Variants in CDH10 observed in about 807,000 individuals in gnomAD.
The protein encoded by CDH10 is cadherin 10.
CDH10 carries 30 observed loss-of-function variants against 73.1 expected under a neutral mutation model. The observed-to-expected ratio is 0.41, with a 90% CI of 0.31 to 0.56. The LOEUF is 0.56. Ranked by LOEUF, CDH10 falls within the 20% of genes least tolerant of loss-of-function variation. The pLI is 0.27. For missense variants in CDH10, 815 were observed against 973.7 expected (o/e 0.84, Z 2.17); for synonymous variants, 345 against 348.2 (o/e 0.99, Z 0.10).
intron 8 of CDH10, among the ~76,000 whole-genome samples, chr5:24,504,064 T>G (rs948507627): frequency 6.6e-6 from 1 of 152,130 alleles, no homozygotes; most frequent in African/African-American, 2.4e-5. Flanking sequence ...TTAGTTAATA[T>G]TAAATATACA....
At chr5:24,515,858 A>C (rs577820711) in intron 5 of CDH10, among the ~76,000 whole-genome samples, 2 of 152,054 alleles carry the variant, frequency 1.3e-5, no homozygotes, top group South Asian at 4.2e-4. Context: ...TGTTCTGGTG[A>C]GAGTGAGTAA....
intron 1 of CDH10, among the ~76,000 whole-genome samples, chr5:24,599,645 G>T (rs1257465055): frequency 6.6e-6 from 1 of 152,018 alleles, no homozygotes; most frequent in Admixed American, 6.6e-5. Context: ...AAACATACAT[G>T]ACACTCATTG....
chr5:24,563,984 A>T (rs1420623112), intron 2 of CDH10, among the ~76,000 whole-genome samples: 1 of 152,154 alleles, frequency 6.6e-6, no homozygotes, highest in Admixed American at 6.5e-5. Context: ...GGTTCCATTT[A>T]TTATTTGAGC....
At chr5:24,497,357 G>A (rs949540320) in intron 9 of CDH10, among the ~76,000 whole-genome samples, 2 of 151,928 alleles carry the variant, frequency 1.3e-5, no homozygotes, top group South Asian at 2.1e-4. Context: ...AGCAGAGGAC[G>A]ATTTGGAATG....
In CDH10 at chr5:24,512,999, TTTTCTTTTCTTTTCTTTCTTTG is replaced by T. The variant is rs1480947207; in HGVS notation, c.815-1507_815-1486del. Among the ~76,000 whole-genome samples the T allele has an allele frequency of 4.1e-3, 169 of 41,354 alleles. 1 individual carries two copies. The highest frequency in any genetic ancestry group is 0.012 in the African/African-American group (149 of 12,414). The allele number at this position is 41,354 out of a possible 152,430, so 27.1% of individuals were successfully genotyped here. On this transcript the variant is annotated intron_variant, in intron 5 of 11. Coordinates refer to ENST00000264463, the MANE Select transcript of CDH10 (RefSeq NM_006727.5). ...TATTTCTTCTTGCTTTCTCTCTTTCTTTTCTTTTCTTTTCTTTCTTTGTTTCTTTTCTTTTTTTTTCTTGATG... is the reference window on the plus strand; with the variant it reads ...TATTTCTTCTTGCTTTCTCTCTTTCTTTTCTTTTCTTTTTTTTTCTTGATG...
chr5:24,627,398 T>C (rs1747546951), intron 1 of CDH10, among the ~76,000 whole-genome samples: 1 of 152,036 alleles, frequency 6.6e-6, no homozygotes, highest in Non-Finnish European at 1.5e-5. Flanking sequence ...AAAAAATAAG[T>C]CACCAATAAA....
chr5:24,632,525 A>G (rs1408531912), intron 1 of CDH10, among the ~76,000 whole-genome samples: 2 of 152,058 alleles, frequency 1.3e-5, no homozygotes, highest in African/African-American at 4.8e-5. Flanking sequence ...GCATGGTTTA[A>G]TGGGAAGCAA....
intron 5 of CDH10, among the ~76,000 whole-genome samples, chr5:24,522,170 C>CA (rs1323574983): frequency 1.3e-4 from 5 of 38,694 alleles, no homozygotes; most frequent in Non-Finnish European, 3.1e-4. Flanking sequence ...AACAAACAAA[C>CA]AAAAAAAACT....
chr5:24,604,892 A>C (rs879715657), intron 1 of CDH10, among the ~76,000 whole-genome samples: 44 of 147,094 alleles, frequency 3.0e-4, no homozygotes, highest in African/African-American at 4.3e-4. Context: ...AAAAAAAAAA[A>C]AAACAAAAAC....
intron 9 of CDH10, among the ~76,000 whole-genome samples, chr5:24,496,106 G>C (rs1048487215): frequency 1.8e-4 from 28 of 151,920 alleles, no homozygotes; most frequent in Admixed American, 5.2e-4. Flanking sequence ...ATATGTAATG[G>C]GATATTTTTG....
chr5:24,609,261 T>C (rs10056470), intron 1 of CDH10, among the ~76,000 whole-genome samples: 21,462 of 152,056 alleles, frequency 0.14, 1,592 homozygotes, highest in East Asian at 0.18. Context: ...TGAGTCCTGG[T>C]TGATTTTTTC....
chr5:24,544,924 A>G (rs1744286362), intron 2 of CDH10, among the ~76,000 whole-genome samples: 1 of 152,218 alleles, frequency 6.6e-6, no homozygotes, highest in Non-Finnish European at 1.5e-5. Context: ...ACACTTTCAC[A>G]GGCATTATCT....
At chr5:24,535,681 A>T (rs755954974) in intron 4 of CDH10, 22 bp downstream of exon 4, 1 of 1,595,918 alleles carries the variant, frequency 6.3e-7, no homozygotes, top group Non-Finnish European at 8.5e-7. Flanking sequence ...AAATGAACAA[A>T]CAGCAATTCA....
chr5:24,637,292 G>T (rs911679046), intron 1 of CDH10, among the ~76,000 whole-genome samples: 1 of 151,852 alleles, frequency 6.6e-6, no homozygotes, highest in Non-Finnish European at 1.5e-5. Flanking sequence ...ATGAAAGAAC[G>T]GATGAATAAA....
intron 2 of CDH10, among the ~76,000 whole-genome samples, chr5:24,568,482 C>T (rs1002242250): frequency 6.6e-6 from 1 of 151,590 alleles, no homozygotes; most frequent in Admixed American, 6.6e-5. Flanking sequence ...ATTTCAACAA[C>T]AAAAAACAGA....
chr5:24,521,856 C>A (rs538058625), intron 5 of CDH10, among the ~76,000 whole-genome samples: 1 of 152,188 alleles, frequency 6.6e-6, no homozygotes, highest in Non-Finnish European at 1.5e-5. Flanking sequence ...GCTAAGTAGG[C>A]CGTGCCAGGT....
rs1744671432 is a variant in CDH10 at position 24,554,118 on chromosome 5, G to GGAGAGAGAGGGAGAGAGAGAGAGAGA, written c.232-16445_232-16444insTCTCTCTCTCTCTCTCCCTCTCTCTC. The GGAGAGAGAGGGAGAGAGAGAGAGAGA allele has an allele frequency of 7.6e-5, 2 of 26,208 alleles. 1 individual carries two copies. 1.6% of individuals were successfully genotyped at this position (26,208 alleles called of 1,614,324 possible). A position where few individuals can be genotyped will look rare whatever the true frequency, so the allele number is the denominator to read the frequency against. On this transcript the variant is annotated intron_variant, in intron 2 of 11. Transcript: ENST00000264463. ...GAGAGAAGGGGAGGTGGGCGGGGGG[G>GGAGAGAGAGGGAGAGAGAGAGAGAGA]GGAGAGAGAGAGACATTCAATCAGC...
At chr5:24,508,354 A>G (rs1476968299) in intron 7 of CDH10, among the ~76,000 whole-genome samples, 1 of 152,150 alleles carries the variant, frequency 6.6e-6, no homozygotes, top group African/African-American at 2.4e-5. Flanking sequence ...AAGCTGTCAT[A>G]AGAAGGAAAA....
At chr5:24,593,738 A>T in intron 1 of CDH10, 125 bp from the exon 2 acceptor site, 1 of 458,892 alleles carries the variant, frequency 2.2e-6, no homozygotes, top group East Asian at 3.7e-5. Context: ...TTTATTTTTC[A>T]TACAATAACG....
Sources: gnomAD v4.1 joint callset for allele counts (sites outside exome capture counted in the v4.1 genomes callset) on GRCh38, gnomAD v4.1.1 for gene constraint, MANE v1.5 for transcripts, NCBI Gene and HGNC (gene_info 2026-07-23, HGNC 2026-07-21) for gene names.